ECPAS: variants seen among roughly 807,000 people sequenced by gnomAD.
ECPAS encodes the protein Ecm29 proteasome adaptor and scaffold.
Under a neutral mutation model 255.1 loss-of-function variants are expected in ECPAS, and 70 were observed. The ratio of observed to expected loss-of-function variants is 0.27; its 90% CI spans 0.23 to 0.33. The LOEUF is 0.33. ECPAS is among the 10% of genes least tolerant of loss of function. The probability of loss-of-function intolerance (pLI) is 1.00; values close to 1 mark genes in which losing one functional copy is unlikely to be tolerated. For synonymous variants in ECPAS, 784 were observed against 775.0 expected (o/e 1.01, Z -0.19); for missense variants, 1,817 against 2,206.4 (o/e 0.82, Z 3.54).
At position 111,397,016 on chromosome 9, in the gene ECPAS, T is replaced by C; in HGVS notation, c.2776+14A>G. 1 of 1,613,830 alleles carries C rather than the reference T, an allele frequency of 6.2e-7. No homozygotes were observed. The highest frequency in any genetic ancestry group is 1.1e-5 in the South Asian group (1 of 91,074). On this transcript the variant is annotated intron_variant, in intron 25 of 49. Transcript: ENST00000684092. ...ACTTGATCATTATAAATCGATTAGC[T>C]GAATATTTGGTACCAGCAGGTGGAG...
At chr9:111,366,748 G>A (rs1589107410) in intron 46 of ECPAS, 121 bp from the exon 47 acceptor site, 2 of 666,176 alleles carry the variant, frequency 3.0e-6, no homozygotes. Context: ...AAGAGAGAAG[G>A]TGGGGAGGAT....
intron 7 of ECPAS, 77 bp from the exon 8 acceptor site, chr9:111,433,449 T>A (rs2098233039): frequency 1.3e-6 from 2 of 1,492,382 alleles, no homozygotes; most frequent in Admixed American, 1.7e-5. Flanking sequence ...GCTTAACATA[T>A]CAGTGTGGTC....
intron 2 of ECPAS, among the ~76,000 whole-genome samples, chr9:111,454,353 T>A (rs1030967160): frequency 1.3e-5 from 2 of 152,102 alleles, no homozygotes; most frequent in African/African-American, 4.8e-5. Context: ...GAATATCCAG[T>A]CCCTGTTCCT....
At chr9:111,414,394 C>T in intron 19 of ECPAS, 35 bp downstream of exon 19, 2 of 1,561,804 alleles carry the variant, frequency 1.3e-6, no homozygotes, top group Non-Finnish European at 1.8e-6. Context: ...TGCTTAAGTG[C>T]TTCAGTATCT....
In ECPAS at chr9:111,459,681, TA is replaced by T. The variant is rs2098270920; in HGVS notation, c.23-8127del. On this transcript the variant is annotated intron_variant, in intron 2 of 49. Coordinates refer to ENST00000684092, the MANE Select transcript of ECPAS (RefSeq NM_001364929.1). ...GGAGGCATAACTTAGTACAAAGTCA[TA>T]ATTACATGATTTTAAGGGGCTTTTT... 2.6e-5 allele frequency among the ~76,000 whole-genome samples: 4 copies of T among 152,176 alleles called. No homozygotes were observed. The South Asian group carries it at 8.3e-4, about 32-fold the overall frequency.
chr9:111,402,354 T>G (rs2098177487), intron 24 of ECPAS, among the ~76,000 whole-genome samples: 1 of 152,192 alleles, frequency 6.6e-6, no homozygotes, highest in Admixed American at 6.5e-5. Context: ...AATGCTACAG[T>G]TCTTCAATCT....
At chr9:111,375,020 G>A in intron 38 of ECPAS, 93 bp downstream of exon 38, 1 of 898,076 alleles carries the variant, frequency 1.1e-6, no homozygotes, top group South Asian at 1.4e-5. Context: ...TAGATTTTGT[G>A]GTAAAACATG....
At chr9:111,433,402 A>G in intron 7 of ECPAS, 30 bp from the exon 8 acceptor site, 2 of 1,613,406 alleles carry the variant, frequency 1.2e-6, no homozygotes, top group Non-Finnish European at 1.7e-6. Flanking sequence ...AGGAGAAAGA[A>G]CAGTCAGGGG....
intron 12 of ECPAS, among the ~76,000 whole-genome samples, chr9:111,423,867 A>G (rs2098217786): frequency 6.6e-6 from 1 of 152,228 alleles, no homozygotes; most frequent in African/African-American, 2.4e-5. Flanking sequence ...TCAGAACACA[A>G]TAAACTTCTA....
In ECPAS at chr9:111,397,147, G is replaced by T. The variant is rs774446550; in HGVS notation, c.2659C>A (p.Gln887Lys). The T allele has an allele frequency of 1.2e-6, 2 of 1,613,586 alleles. No individual in the cohort carries two copies. The highest frequency in any genetic ancestry group is 2.2e-5 in the East Asian group (1 of 44,856). ...CCAATAGTGAACTGAAGTTCTATCT[G>T]CTTGGCCTGCAACGAAGGAAGTAAA... ...QGLMDSVEAK[Q>K]IELQFTIGEA... Residue 887 changes from glutamine to lysine, a missense_variant, in exon 25 of 50, where the codon CAG becomes AAG. Physicochemically the swap from Gln to Lys is moderately conservative, Grantham distance 53. Coordinates refer to ENST00000684092, the MANE Select transcript of ECPAS (RefSeq NM_001364929.1).
chr9:111,467,859 A>G (rs1191903065), intron 2 of ECPAS, among the ~76,000 whole-genome samples: 1 of 152,204 alleles, frequency 6.6e-6, no homozygotes, highest in Admixed American at 6.5e-5. Context: ...AGATGCATTT[A>G]TAGACTCACC....
In ECPAS at chr9:111,412,153, G is replaced by T; in HGVS notation, c.2080-5C>A. ...TTTACTGTTATTCATCAGACTCTGA[G>T]CAGTATAAAAAAAAAACAAATATAT... On this transcript the variant is annotated splice_polypyrimidine_tract_variant and splice_region_variant and intron_variant, in intron 20 of 49. Coordinates refer to ENST00000684092, the MANE Select transcript of ECPAS (RefSeq NM_001364929.1). 1 of 1,559,402 alleles carries T rather than the reference G, an allele frequency of 6.4e-7. No individual in the cohort carries two copies. The highest frequency in any genetic ancestry group is 1.2e-5 in the South Asian group (1 of 81,320).
intron 9 of ECPAS, among the ~76,000 whole-genome samples, chr9:111,429,920 A>AC (rs2098227368): frequency 6.6e-6 from 1 of 152,206 alleles, no homozygotes; most frequent in Non-Finnish European, 1.5e-5. Context: ...TTTTAAACAC[A>AC]GTGAACTAAA....
At chr9:111,451,732 G>A (rs2131964309) in intron 2 of ECPAS, among the ~76,000 whole-genome samples, 177 bp from the exon 3 acceptor site, 1 of 152,252 alleles carries the variant, frequency 6.6e-6, no homozygotes, top group Middle Eastern at 3.4e-3. Flanking sequence ...AAGGTTAACT[G>A]TTCTACCCTG....
intron 48 of ECPAS, 43 bp from the exon 49 acceptor site, chr9:111,363,702 A>G: frequency 1.1e-6 from 1 of 896,490 alleles, no homozygotes; most frequent in Admixed American, 2.4e-5. Context: ...TGCCTGAAAA[A>G]CACAACCTCC....
At chr9:111,393,874 G>C (rs2098163867) in intron 26 of ECPAS, 140 bp from the exon 27 acceptor site, 7 of 711,480 alleles carry the variant, frequency 9.8e-6, no homozygotes, top group Non-Finnish European at 1.6e-5. Context: ...ATCTTTACAG[G>C]TGGCCCAAAT....
chr9:111,410,108 C>A lies in ECPAS; in HGVS notation c.2483G>T (p.Gly828Val). Reference sequence around the variant, plus strand: ...TTCTACAAGATGCAATTTGGTAAAGCCAGATCCCTCACTGGGGATTGGAAG... The same window carrying A: ...TTCTACAAGATGCAATTTGGTAAAGACAGATCCCTCACTGGGGATTGGAAG... Reference protein sequence around the residue: ...GPLPIPSEGSGFTKLHLVESL... With the variant: ...GPLPIPSEGSVFTKLHLVESL... Residue 828 changes from glycine to valine, a missense_variant, in exon 23 of 50, where the codon GGC (glycine) becomes GTC (valine). This residue lies in a region of ECPAS where 194 missense variants were observed against 152.8 expected (regional missense o/e 1.27). Transcript: ENST00000684092. The A allele has an allele frequency of 6.2e-7, 1 of 1,604,422 alleles. No homozygotes were observed. The highest frequency in any genetic ancestry group is 8.5e-7 in the Non-Finnish European group (1 of 1,175,386).
intron 4 of ECPAS, among the ~76,000 whole-genome samples, chr9:111,443,085 T>C (rs1355738110): frequency 6.6e-6 from 1 of 152,186 alleles, no homozygotes; most frequent in African/African-American, 2.4e-5. Flanking sequence ...ATCAGGTAAG[T>C]ATAACGTAAA....
At chr9:111,425,673 C>T (rs1050117044) in intron 11 of ECPAS, 70 bp downstream of exon 11, 8 of 1,042,714 alleles carry the variant, frequency 7.7e-6, no homozygotes, top group East Asian at 4.9e-5. Context: ...ATGAGTAAAA[C>T]GATACACTTG....
Sources: gnomAD v4.1 joint callset for allele counts (sites outside exome capture counted in the v4.1 genomes callset) on GRCh38, gnomAD v4.1.1 for gene constraint, gnomAD v4.1.1 regional missense constraint, MANE v1.5 for transcripts, NCBI Gene and HGNC (gene_info 2026-07-23, HGNC 2026-07-21) for gene names.